Variants in SNTB2 observed in about 807,000 individuals in gnomAD.
SNTB2 encodes syntrophin beta 2.
Under a neutral mutation model 46.2 loss-of-function variants are expected in SNTB2, and 34 were observed. The observed-to-expected ratio is 0.74, with a 90% CI of 0.56 to 0.98. The LOEUF is 0.98. Ranked by LOEUF, SNTB2 falls within the 50% of genes least tolerant of loss-of-function variation. The pLI is 0.00. For synonymous variants in SNTB2, 290 were observed against 312.6 expected (o/e 0.93, Z 0.76); for missense variants, 603 against 731.4 (o/e 0.82, Z 2.02).
intron 1 of SNTB2, among the ~76,000 whole-genome samples, chr16:69,225,598 G>A (rs1597179027): frequency 6.6e-6 from 1 of 152,272 alleles, no homozygotes; most frequent in East Asian, 1.9e-4. Flanking sequence ...CATGTATCAT[G>A]TTTTGCCTTA....
In SNTB2 at chr16:69,303,589, G is replaced by T. The variant is rs1184626146; in HGVS notation, c.*2665G>T. The T allele has an allele frequency of 6.6e-6, 1 of 152,664 alleles. No homozygotes were observed. The highest frequency in any genetic ancestry group is 2.4e-5 in the African/African-American group (1 of 41,446). The allele number at this position is 152,664 out of a possible 1,614,324, so 9.5% of individuals were successfully genotyped here. On this transcript the variant is annotated 3_prime_UTR_variant, in exon 7 of 7. Coordinates refer to ENST00000336278, the MANE Select transcript of SNTB2 (RefSeq NM_006750.4). ...TTGAGTCTTGCTGTGAAATGAAAGT[G>T]TGGGAGGTTTCCTTTGTCCATTAGC...
chr16:69,285,320 C>T (rs931813696), intron 5 of SNTB2, among the ~76,000 whole-genome samples: 3 of 149,590 alleles, frequency 2.0e-5, no homozygotes, highest in Non-Finnish European at 3.0e-5. Context: ...TTTATAATAC[C>T]GTATGTACAA....
chr16:69,230,771 G>A (rs2152294873), intron 1 of SNTB2, among the ~76,000 whole-genome samples: 1 of 145,418 alleles, frequency 6.9e-6, no homozygotes, highest in Non-Finnish European at 1.5e-5. Flanking sequence ...TTGAGACAGA[G>A]TCTTGCTCTG....
At chr16:69,196,335 T>C (rs1460509745) in intron 1 of SNTB2, among the ~76,000 whole-genome samples, 1 of 151,928 alleles carries the variant, frequency 6.6e-6, no homozygotes, top group Non-Finnish European at 1.5e-5. Context: ...CTTACTCTGC[T>C]AAGCTCTTTA....
rs869256985 is a variant in SNTB2, at chr16:69,250,981, GT to G, written c.794+5181del. On this transcript the variant is annotated intron_variant, in intron 2 of 6. Transcript: ENST00000336278. ...AAAGGAAATATCCATTTGTTTATCT[GT>G]TTTTTTTTTTTTTTGAGACGGAGTC... Among the ~76,000 whole-genome samples the G allele has an allele frequency of 3.3e-3, 464 of 140,690 alleles. 2 individuals carry two copies. Among genetic ancestry groups the G allele is most frequent in the African/African-American group, 9.6e-3 (369 of 38,612 alleles). The allele number at this position is 140,690 out of a possible 152,430, so 92.3% of individuals were successfully genotyped here. A position where few individuals can be genotyped will look rare whatever the true frequency, so the allele number is the denominator to read the frequency against.
chr16:69,188,425 C>A (rs1258235468), intron 1 of SNTB2, among the ~76,000 whole-genome samples: 1 of 152,216 alleles, frequency 6.6e-6, no homozygotes, highest in East Asian at 1.9e-4. Context: ...AGGCGCGCTG[C>A]TTCAAGACTC....
At chr16:69,198,687 C>T (rs538902503) in intron 1 of SNTB2, among the ~76,000 whole-genome samples, 2 of 152,234 alleles carry the variant, frequency 1.3e-5, no homozygotes, top group African/African-American at 4.8e-5. Flanking sequence ...GGAAAAAATA[C>T]AGCAAAACAT....
chr16:69,221,684 G>A (rs983177143), intron 1 of SNTB2, among the ~76,000 whole-genome samples: 3 of 152,160 alleles, frequency 2.0e-5, no homozygotes, highest in African/African-American at 7.2e-5. Context: ...GCTGAGACAC[G>A]AGAATTGCTT....
intron 1 of SNTB2, among the ~76,000 whole-genome samples, chr16:69,207,403 C>T (rs1964234150): frequency 6.6e-6 from 1 of 152,074 alleles, no homozygotes; most frequent in Non-Finnish European, 1.5e-5. Context: ...GGTGATCCGC[C>T]TGCCTTGGCC....
chr16:69,243,590 G>A (rs761419737), intron 1 of SNTB2, among the ~76,000 whole-genome samples: 2 of 152,188 alleles, frequency 1.3e-5, no homozygotes, highest in Non-Finnish European at 2.9e-5. Flanking sequence ...ATTTCCTCCA[G>A]TTGGTAGCCC....
At chr16:69,198,901 T>TG (rs1306495218) in intron 1 of SNTB2, among the ~76,000 whole-genome samples, 3 of 150,988 alleles carry the variant, frequency 2.0e-5, no homozygotes, top group Non-Finnish European at 4.4e-5. Context: ...ATAATGTTTT[T>TG]TTTTTTTTTT....
chr16:69,259,359 A>C (rs1012398071), intron 2 of SNTB2, among the ~76,000 whole-genome samples: 19 of 145,544 alleles, frequency 1.3e-4, no homozygotes, highest in Admixed American at 1.1e-3. Flanking sequence ...CAGCCTCCCG[A>C]GTAGCTGGGA....
intron 1 of SNTB2, among the ~76,000 whole-genome samples, chr16:69,196,005 T>C (rs148193306): frequency 5.9e-5 from 9 of 152,012 alleles, no homozygotes; most frequent in Non-Finnish European, 5.9e-5. Flanking sequence ...CTTTGGGAGG[T>C]CCAGGTGGAA....
At chr16:69,212,134 G>C (rs1176522639) in intron 1 of SNTB2, among the ~76,000 whole-genome samples, 1 of 152,046 alleles carries the variant, frequency 6.6e-6, no homozygotes, top group Non-Finnish European at 1.5e-5. Flanking sequence ...TCATTTGTCT[G>C]AATGTTTCTT....
intron 1 of SNTB2, among the ~76,000 whole-genome samples, chr16:69,206,997 T>A (rs1567397024): frequency 6.6e-6 from 1 of 151,602 alleles, no homozygotes; most frequent in Non-Finnish European, 1.5e-5. Context: ...GAACTCCTGA[T>A]CTCAGGTGAT....
intron 2 of SNTB2, among the ~76,000 whole-genome samples, chr16:69,246,083 G>A (rs1009978709): frequency 1.3e-5 from 2 of 152,008 alleles, no homozygotes; most frequent in Admixed American, 6.6e-5. Context: ...GAAAGAGGGG[G>A]CATCTTTTCT....
intron 4 of SNTB2, among the ~76,000 whole-genome samples, chr16:69,270,915 G>A (rs1364085396): frequency 6.6e-6 from 1 of 152,038 alleles, no homozygotes; most frequent in East Asian, 1.9e-4. Context: ...AATTTTTTTG[G>A]ACTTAACAAA....
At chr16:69,210,584 A>G (rs1405535817) in intron 1 of SNTB2, among the ~76,000 whole-genome samples, 4 of 151,744 alleles carry the variant, frequency 2.6e-5, no homozygotes, top group Non-Finnish European at 5.9e-5. Flanking sequence ...CCCAGGCTGG[A>G]GTGCAGTAGT....
At chr16:69,264,521 C>A (rs549573641) in intron 3 of SNTB2, among the ~76,000 whole-genome samples, 1 of 152,044 alleles carries the variant, frequency 6.6e-6, no homozygotes, top group East Asian at 1.9e-4. Flanking sequence ...CAATAAACAA[C>A]GGTTATTTGG....
Sources: allele counts gnomAD v4.1 joint callset (sites outside exome capture counted in the v4.1 genomes callset), GRCh38; gene constraint gnomAD v4.1.1; transcripts MANE v1.5; gene names NCBI Gene and HGNC (gene_info 2026-07-23, HGNC 2026-07-21).